Variants in CD96 observed in about 807,000 individuals in gnomAD.
CD96 encodes the protein T-cell surface protein tactile.
A neutral mutation model predicts 71.3 loss-of-function variants in CD96; 70 were observed. That is an observed-to-expected ratio of 0.98 (90% CI 0.81 to 1.20). CD96 has a LOEUF of 1.20. CD96 is among the 50% of genes most tolerant of loss of function. The pLI is 0.00. For synonymous variants in CD96, 248 were observed against 233.0 expected (o/e 1.06, Z -0.59); for missense variants, 742 against 677.5 (o/e 1.10, Z -1.06).
chr3:111,656,083 A>T (rs1490609293), downstream of CD96, among the ~76,000 whole-genome samples: 1 of 152,080 alleles, frequency 6.6e-6, no homozygotes, highest in Non-Finnish European at 1.5e-5. Context: ...AATATTTACA[A>T]CATATATCAC....
At chr3:111,576,169 A>G (rs1293096058) in intron 3 of CD96, among the ~76,000 whole-genome samples, 1 of 152,232 alleles carries the variant, frequency 6.6e-6, no homozygotes, top group African/African-American at 2.4e-5. Flanking sequence ...GTGTGAATCC[A>G]TAAAGTTTTA....
At chr3:111,661,929 G>A (rs1430477061) in intron 14 of CD96, among the ~76,000 whole-genome samples, 1 of 152,234 alleles carries the variant, frequency 6.6e-6, no homozygotes, top group East Asian at 1.9e-4. Flanking sequence ...GGGGTTCCAA[G>A]CTCACATTTC....
At chr3:111,543,486 T>C (rs942232030) in intron 1 of CD96, among the ~76,000 whole-genome samples, 2 of 152,302 alleles carry the variant, frequency 1.3e-5, no homozygotes, top group African/African-American at 4.8e-5. Flanking sequence ...TCCTTGTATA[T>C]TGAAAGTGAA....
chr3:111,660,371 C>G (rs946424035), intron 14 of CD96, among the ~76,000 whole-genome samples: 1 of 152,054 alleles, frequency 6.6e-6, no homozygotes, highest in Non-Finnish European at 1.5e-5. Flanking sequence ...AGAGATGACA[C>G]AAATAAATGG....
At chr3:111,649,552 C>T in intron 13 of CD96, 146 bp from the exon 14 acceptor site, 3 of 707,560 alleles carry the variant, frequency 4.2e-6, no homozygotes, top group East Asian at 2.5e-5. Context: ...AGGGTTATGC[C>T]AGCAAAAATG....
At chr3:111,614,716 C>T (rs1377591219) in intron 8 of CD96, among the ~76,000 whole-genome samples, 1 of 152,202 alleles carries the variant, frequency 6.6e-6, no homozygotes, top group Non-Finnish European at 1.5e-5. Flanking sequence ...GGCCCTGTCT[C>T]TCTTCTCCAT....
chr3:111,556,311 G>A (rs1417688066), intron 2 of CD96, among the ~76,000 whole-genome samples: 17 of 144,596 alleles, frequency 1.2e-4, no homozygotes, highest in African/African-American at 3.1e-4. Context: ...CCACTAACTC[G>A]TCATCTAGCA....
chr3:111,594,315 C>CA, intron 5 of CD96: 1 of 1,340,934 alleles, frequency 7.5e-7, no homozygotes, highest in African/African-American at 1.5e-5. Flanking sequence ...CTTGGGGATT[C>CA]ACAATAATGG....
intron 8 of CD96, among the ~76,000 whole-genome samples, chr3:111,617,980 A>G (rs913042429): frequency 6.6e-5 from 10 of 152,232 alleles, no homozygotes; most frequent in African/African-American, 2.4e-4. Context: ...TCCAGACACC[A>G]GTGCCTGCAG....
At chr3:111,594,174 C>T (rs1937143939) in intron 5 of CD96, 1 of 1,604,014 alleles carries the variant, frequency 6.2e-7, no homozygotes, top group Non-Finnish European at 8.5e-7. Context: ...ATTGTTCCCT[C>T]CTCTTCCTCG....
intron 10 of CD96, among the ~76,000 whole-genome samples, chr3:111,628,290 T>G (rs1479145560): frequency 6.6e-6 from 1 of 152,178 alleles, no homozygotes; most frequent in African/African-American, 2.4e-5. Context: ...GATAAAACAA[T>G]GCAGGAGTTG....
At chr3:111,582,767 A>T (rs1394677144) in intron 4 of CD96, among the ~76,000 whole-genome samples, 1 of 152,198 alleles carries the variant, frequency 6.6e-6, no homozygotes, top group Non-Finnish European at 1.5e-5. Flanking sequence ...ATTAGATCTC[A>T]TGAGACTTAT....
At chr3:111,544,662 C>T (rs948873413) in intron 1 of CD96, among the ~76,000 whole-genome samples, 7 of 152,148 alleles carry the variant, frequency 4.6e-5, no homozygotes, top group Non-Finnish European at 8.8e-5. Flanking sequence ...ATTCAGCTGT[C>T]GTTTTATAAC....
chr3:111,644,369 C>T (rs1170046724), intron 12 of CD96, among the ~76,000 whole-genome samples: 3 of 152,090 alleles, frequency 2.0e-5, no homozygotes, highest in Non-Finnish European at 2.9e-5. Context: ...TAAAAGATAA[C>T]ATTGGAAAAA....
chr3:111,628,435 T>C (rs892786171), intron 10 of CD96, among the ~76,000 whole-genome samples: 7 of 152,100 alleles, frequency 4.6e-5, no homozygotes, highest in African/African-American at 1.7e-4. Context: ...TCTCAGAGCT[T>C]GAAGATTGTC....
chr3:111,616,914 C>T (rs1938268829), intron 8 of CD96, among the ~76,000 whole-genome samples: 1 of 152,174 alleles, frequency 6.6e-6, no homozygotes, highest in African/African-American at 2.4e-5. Context: ...CCTGGGAACA[C>T]CCCCGCTTCT....
intron 10 of CD96, among the ~76,000 whole-genome samples, chr3:111,630,746 G>T (rs996478052): frequency 6.6e-6 from 1 of 152,156 alleles, no homozygotes; most frequent in Non-Finnish European, 1.5e-5. Context: ...GAACATCAAT[G>T]CAAAAATCCT....
Position 111,591,149 on chromosome 3 carries a change from C to T in CD96, c.807+5771C>T, listed in dbSNP as rs529249309. 1.1e-4 allele frequency among the ~76,000 whole-genome samples: 17 copies of T among 152,100 alleles called. 1 individual carries two copies. The Middle Eastern group carries it at 0.01, about 92-fold the overall frequency. On this transcript the variant is annotated intron_variant, in intron 5 of 13. Coordinates refer to ENST00000352690, the MANE Select transcript of CD96 (RefSeq NM_005816.5). ...CAACACTTTGGGAGGCCGAGGTGCGCGGATCATGAGGTCAAGAGATCCAGA... is the reference window on the plus strand; with the variant it reads ...CAACACTTTGGGAGGCCGAGGTGCGTGGATCATGAGGTCAAGAGATCCAGA...
chr3:111,557,709 G>T (rs1253135729), intron 2 of CD96, among the ~76,000 whole-genome samples: 1 of 140,080 alleles, frequency 7.1e-6, no homozygotes, highest in Non-Finnish European at 1.6e-5. Context: ...GGTTCCATAT[G>T]AACTTTAAAG....
Sources: gnomAD v4.1 joint callset for allele counts (sites outside exome capture counted in the v4.1 genomes callset) on GRCh38, gnomAD v4.1.1 for gene constraint, MANE v1.5 for transcripts, NCBI Gene and HGNC (gene_info 2026-07-23, HGNC 2026-07-21) for gene names.